TBC1D5: variants seen among roughly 807,000 people sequenced by gnomAD.
TBC1D5 encodes TBC1 domain family member 5, also known as TBC1 domain family, member 5.
Under a neutral mutation model 100.3 loss-of-function variants are expected in TBC1D5, and 75 were observed. The ratio of observed to expected loss-of-function variants is 0.75; its 90% confidence interval spans 0.62 to 0.91. The LOEUF (loss-of-function observed/expected upper bound fraction) is 0.91. Ranked by LOEUF, TBC1D5 falls within the 40% of genes least tolerant of loss-of-function variation. The probability of loss-of-function intolerance (pLI) is 0.00; values close to 1 mark genes in which losing one functional copy is unlikely to be tolerated. For synonymous variants in TBC1D5, 323 were observed against 325.6 expected (o/e 0.99, Z 0.09); for missense variants, 910 against 942.4 (o/e 0.97, Z 0.45).
At chr3:17,342,477 T>C (rs757094276) in intron 13 of TBC1D5, among the ~76,000 whole-genome samples, 1 of 152,242 alleles carries the variant, frequency 6.6e-6, no homozygotes, top group Non-Finnish European at 1.5e-5. Flanking sequence ...TTGAGCTGTA[T>C]TTCTAGTTAG....
At chr3:17,167,642 G>A in intron 20 of TBC1D5, 107 bp downstream of exon 21, 1 of 944,100 alleles carries the variant, frequency 1.1e-6, no homozygotes, top group Middle Eastern at 2.3e-4. Flanking sequence ...GGGAGGAAAT[G>A]AGGGTTAGGG....
At chr3:17,515,692 C>T (rs1310928910) in intron 2 of TBC1D5, among the ~76,000 whole-genome samples, 1 of 152,132 alleles carries the variant, frequency 6.6e-6, no homozygotes, top group Non-Finnish European at 1.5e-5. Context: ...ATTCAGTTTA[C>T]TTTTCTCGCA....
At chr3:17,295,967 T>C (rs1472250999) in intron 14 of TBC1D5, among the ~76,000 whole-genome samples, 1 of 152,136 alleles carries the variant, frequency 6.6e-6, no homozygotes, top group Non-Finnish European at 1.5e-5. Flanking sequence ...ACAGAGATCC[T>C]GAAGGGCAAA....
intron 13 of TBC1D5, among the ~76,000 whole-genome samples, chr3:17,359,871 G>T (rs1406521176): frequency 6.6e-6 from 1 of 151,906 alleles, no homozygotes; most frequent in Non-Finnish European, 1.5e-5. Flanking sequence ...TGGAAAAACG[G>T]AGACCCATGA....
chr3:17,678,490 T>G (rs2068940661), intron 1 of TBC1D5, among the ~76,000 whole-genome samples: 1 of 151,844 alleles, frequency 6.6e-6, no homozygotes, highest in Admixed American at 6.6e-5. Flanking sequence ...GATCACAAAT[T>G]TTTGGAAAAC....
intron 1 of TBC1D5, among the ~76,000 whole-genome samples, chr3:17,734,193 T>G (rs773457037): frequency 6.6e-6 from 1 of 152,250 alleles, no homozygotes; most frequent in Non-Finnish European, 1.5e-5. Context: ...CTACTTATAG[T>G]ACATTCATAC....
chr3:17,340,851 C>T lies in TBC1D5; in HGVS notation c.995+31224G>A, dbSNP rs185969073. 1.0e-3 allele frequency among the ~76,000 whole-genome samples: 152 copies of T among 152,232 alleles called. 2 individuals carry two copies. The highest frequency in any genetic ancestry group is 2.2e-4 in the Non-Finnish European group (15 of 68,018). Reference sequence around the variant, plus strand: ...ATAAGTACAGCTGTGTGTATAGTAGCGGTATCTAGAAATCTTCTATCAGTA... The same window carrying T: ...ATAAGTACAGCTGTGTGTATAGTAGTGGTATCTAGAAATCTTCTATCAGTA... On this transcript the variant is annotated intron_variant, in intron 13 of 21. Transcript: ENST00000253692.
chr3:17,360,372 T>C (rs2151864845), intron 13 of TBC1D5, among the ~76,000 whole-genome samples: 1 of 152,164 alleles, frequency 6.6e-6, no homozygotes, highest in Admixed American at 6.5e-5. Flanking sequence ...CTGAAGTTGA[T>C]CAAGTCTGGT....
intron 3 of TBC1D5, among the ~76,000 whole-genome samples, chr3:17,462,299 A>G (rs1196430226): frequency 3.4e-5 from 5 of 146,220 alleles, no homozygotes; most frequent in Non-Finnish European, 6.0e-5. Flanking sequence ...CCCACGTGCT[A>G]TATTTAAATG....
At chr3:17,224,863 G>T (rs992939573) in intron 17 of TBC1D5, among the ~76,000 whole-genome samples, 3 of 152,160 alleles carry the variant, frequency 2.0e-5, no homozygotes, top group African/African-American at 7.2e-5. Context: ...ACTAAGATCA[G>T]CTCTTATCAA....
At chr3:17,197,522 G>A (rs2070860222) in intron 18 of TBC1D5, among the ~76,000 whole-genome samples, 1 of 152,118 alleles carries the variant, frequency 6.6e-6, no homozygotes, top group African/African-American at 2.4e-5. Flanking sequence ...AATTACAGGT[G>A]TGTGCCACCA....
At chr3:17,290,780 A>T (rs1403854631) in intron 15 of TBC1D5, among the ~76,000 whole-genome samples, 1 of 152,190 alleles carries the variant, frequency 6.6e-6, no homozygotes, top group Non-Finnish European at 1.5e-5. Flanking sequence ...ACCAGAAAAA[A>T]GTATGCTTCC....
At chr3:17,157,280 G>A (rs1224054365) in exon 22 of TBC1D5, 2 of 152,240 alleles carry the variant, frequency 1.3e-5, no homozygotes, top group African/African-American at 4.8e-5. Context: ...AGAAAAAAGC[G>A]ATAGGGCATA....
chr3:17,222,273 G>T (rs757020885), intron 17 of TBC1D5, among the ~76,000 whole-genome samples: 4 of 151,962 alleles, frequency 2.6e-5, no homozygotes, highest in Non-Finnish European at 5.9e-5. Context: ...GTCTTTCAGG[G>T]TTTTGGTAAT....
intron 8 of TBC1D5, among the ~76,000 whole-genome samples, chr3:17,398,838 T>C (rs1471780231): frequency 6.6e-6 from 1 of 152,018 alleles, no homozygotes; most frequent in Non-Finnish European, 1.5e-5. Context: ...GAGATCAATA[T>C]AAATGTATTG....
At chr3:17,355,891 T>C (rs1382724604) in intron 13 of TBC1D5, among the ~76,000 whole-genome samples, 1 of 152,132 alleles carries the variant, frequency 6.6e-6, no homozygotes, top group Non-Finnish European at 1.5e-5. Flanking sequence ...ATAAAACAGG[T>C]TTCTAATGTG....
chr3:17,401,133 C>T (rs1352417554), intron 8 of TBC1D5, among the ~76,000 whole-genome samples: 1 of 152,000 alleles, frequency 6.6e-6, no homozygotes, highest in African/African-American at 2.4e-5. Context: ...ATAGGGCCTC[C>T]TAGCTACCTT....
chr3:17,215,107 T>C (rs184544050), intron 17 of TBC1D5, among the ~76,000 whole-genome samples: 1 of 152,136 alleles, frequency 6.6e-6, no homozygotes, highest in African/African-American at 2.4e-5. Context: ...AGGGAAGCTA[T>C]GGGATGTCAC....
intron 13 of TBC1D5, among the ~76,000 whole-genome samples, chr3:17,319,474 A>G (rs1189565044): frequency 1.3e-5 from 2 of 151,694 alleles, no homozygotes; most frequent in Non-Finnish European, 2.9e-5. Context: ...AAAGAACTTA[A>G]AAGTTTAACA....
Sources: gnomAD v4.1 joint callset for allele counts (sites outside exome capture counted in the v4.1 genomes callset) on GRCh38, gnomAD v4.1.1 for gene constraint, MANE v1.5 for transcripts, NCBI Gene and HGNC (gene_info 2026-07-23, HGNC 2026-07-21) for gene names.